AGMO: variants seen among roughly 807,000 people sequenced by gnomAD.
The protein encoded by AGMO is glyceryl-ether monooxygenase.
AGMO carries 75 observed loss-of-function variants against 60.2 expected under a neutral mutation model. The observed-to-expected ratio is 1.25, with a 90% CI of 1.03 to 1.51. The LOEUF is 1.51. Ranked by LOEUF, AGMO falls within the 40% of genes most tolerant of loss-of-function variation. AGMO has a pLI of 0.00. For missense variants in AGMO, 763 were observed against 525.5 expected, an observed-to-expected ratio of 1.45 and a Z score of -4.42; for synonymous variants, 261 against 177.1, an observed-to-expected ratio of 1.47 and a Z score of -3.76.
the AGMO span, among the ~76,000 whole-genome samples, chr7:15,153,841 G>A: frequency 1.8e-3 from 276 of 152,218 alleles, 4 homozygotes; most frequent in Non-Finnish European, 6.5e-4. Context: ...GGTTCCATAT[G>A]AATGCTACAT....
chr7:15,363,013 A>G (rs1410983828), intron 12 of AGMO, among the ~76,000 whole-genome samples: 1 of 152,172 alleles, frequency 6.6e-6, no homozygotes, highest in Admixed American at 6.5e-5. Context: ...CAATATTCTC[A>G]TTATGAAGAT....
rs202071590 is a variant in AGMO at position 15,365,610 on chromosome 7, T to A, written c.1167A>T (p.Ala389=). Residue 389 remains alanine (A), a synonymous_variant, in exon 12 of 13, where the codon GCA becomes GCT. Transcript: ENST00000342526. The part of the protein sequence containing the change: ...IGFLLDQRPK[A]AIMETLRCLM... ...AGCAACGGAGAGTTTCCATAATAGC[T>A]GCCTTGGGTCTGAAATAAAATGTCA... 2 of 1,611,954 alleles carry A rather than the reference T, an allele frequency of 1.2e-6. No homozygotes were observed. The highest frequency in any genetic ancestry group is 1.7e-5 in the Admixed American group (1 of 59,894).
At chr7:15,547,470 C>T (rs956188833) in intron 2 of AGMO, among the ~76,000 whole-genome samples, 1,647 of 151,054 alleles carry the variant, frequency 0.011, 24 homozygotes, top group African/African-American at 0.037. Context: ...GCACCGTGCG[C>T]GAGCCGAAGC....
intron 5 of AGMO, chr7:15,396,221 A>C (rs1171346852): frequency 6.6e-6 from 1 of 152,512 alleles, no homozygotes; most frequent in African/African-American, 2.4e-5. Flanking sequence ...ACTTCAAGAA[A>C]GAAGCCCCAC....
At chr7:15,519,872 A>G (rs1186958448) in intron 3 of AGMO, among the ~76,000 whole-genome samples, 2 of 152,032 alleles carry the variant, frequency 1.3e-5, no homozygotes, top group Non-Finnish European at 2.9e-5. Context: ...AAATTGGAGA[A>G]AGAGTCAAGG....
At chr7:15,528,380 G>T (rs1315881734) in intron 3 of AGMO, among the ~76,000 whole-genome samples, 2 of 152,020 alleles carry the variant, frequency 1.3e-5, no homozygotes, top group Non-Finnish European at 2.9e-5. Context: ...TGCTGGTCTG[G>T]AGCCTAACCC....
intron 3 of AGMO, among the ~76,000 whole-genome samples, chr7:15,496,833 A>C (rs1407823920): frequency 6.6e-6 from 1 of 152,130 alleles, no homozygotes; most frequent in Non-Finnish European, 1.5e-5. Context: ...CTGAATATTC[A>C]TTTGTTCCCT....
intron 5 of AGMO, among the ~76,000 whole-genome samples, chr7:15,416,171 C>A (rs905960446): frequency 6.6e-6 from 1 of 151,634 alleles, no homozygotes; most frequent in East Asian, 2.0e-4. Context: ...GTAGCTGGGA[C>A]TACAGGCACG....
chr7:15,462,710 A>G (rs2128509195), intron 3 of AGMO, among the ~76,000 whole-genome samples: 1 of 152,324 alleles, frequency 6.6e-6, no homozygotes, highest in East Asian at 1.9e-4. Flanking sequence ...ATTAAGCTCT[A>G]TCATGTGATT....
chr7:15,483,902 C>T (rs1490940865), intron 3 of AGMO, among the ~76,000 whole-genome samples: 2 of 152,056 alleles, frequency 1.3e-5, no homozygotes, highest in Non-Finnish European at 2.9e-5. Context: ...AGAACCTAAC[C>T]TACCTAATAT....
intron 12 of AGMO, among the ~76,000 whole-genome samples, chr7:15,286,213 AAAAT>A (rs574959741): frequency 7.5e-4 from 114 of 152,106 alleles, no homozygotes; most frequent in African/African-American, 2.7e-3. Context: ...AACAAAAACA[AAAAT>A]AAATAGGACC....
chr7:15,166,287 G>T, the AGMO span, among the ~76,000 whole-genome samples: 410 of 152,252 alleles, frequency 2.7e-3, 1 homozygote, highest in African/African-American at 9.3e-3. Context: ...AATGAAGAGT[G>T]AGCCCTCCTG....
intron 6 of AGMO, among the ~76,000 whole-genome samples, chr7:15,392,239 T>A (rs1468181932): frequency 6.6e-6 from 1 of 151,014 alleles, no homozygotes; most frequent in Admixed American, 6.6e-5. Context: ...CCGGCTAATT[T>A]TTCTGTATTT....
At chr7:15,332,997 G>T (rs1239347718) in intron 12 of AGMO, among the ~76,000 whole-genome samples, 10 of 151,918 alleles carry the variant, frequency 6.6e-5, no homozygotes, top group Admixed American at 6.6e-4. Flanking sequence ...AAATCTCTCT[G>T]GCAACAGAAA....
intron 12 of AGMO, among the ~76,000 whole-genome samples, chr7:15,302,966 C>T (rs1236551031): frequency 6.6e-6 from 1 of 152,086 alleles, no homozygotes; most frequent in African/African-American, 2.4e-5. Flanking sequence ...AAAACCACTG[C>T]AAACTTGGTT....
chr7:15,424,282 A>G (rs557188043), intron 4 of AGMO, among the ~76,000 whole-genome samples: 2 of 152,054 alleles, frequency 1.3e-5, no homozygotes, highest in East Asian at 1.9e-4. Context: ...TATATCCCCA[A>G]TCTCTGCCAC....
intron 3 of AGMO, among the ~76,000 whole-genome samples, chr7:15,483,011 C>T (rs1256425823): frequency 6.6e-6 from 1 of 152,078 alleles, no homozygotes; most frequent in East Asian, 1.9e-4. Flanking sequence ...TTAAAATACT[C>T]CTTTATTGAT....
chr7:15,368,144 T>G (rs1783056497), intron 10 of AGMO, among the ~76,000 whole-genome samples: 1 of 152,012 alleles, frequency 6.6e-6, no homozygotes, highest in Admixed American at 6.6e-5. Flanking sequence ...TGTTTAGGAA[T>G]AGGGGCACAA....
At chr7:15,245,462 G>A (rs1012221072) in intron 12 of AGMO, among the ~76,000 whole-genome samples, 4 of 152,070 alleles carry the variant, frequency 2.6e-5, no homozygotes, top group Admixed American at 6.6e-5. Context: ...GCTCAACAGG[G>A]AACAAAATTG....
Sources: gnomAD v4.1 joint callset for allele counts (sites outside exome capture counted in the v4.1 genomes callset) on GRCh38, gnomAD v4.1.1 for gene constraint, MANE v1.5 for transcripts, NCBI Gene and HGNC (gene_info 2026-07-23, HGNC 2026-07-21) for gene names.